Variants in EPG5 observed in about 807,000 individuals in gnomAD.
EPG5 encodes ectopic P granules protein 5 homolog.
Under a neutral mutation model 302.7 loss-of-function variants are expected in EPG5, and 159 were observed. That is an observed-to-expected ratio of 0.53 (90% confidence interval 0.46 to 0.60). The LOEUF (loss-of-function observed/expected upper bound fraction) is 0.60. Among genes scored for constraint, EPG5 ranks in the 20% least tolerant of loss-of-function variants. EPG5 has a pLI of 0.00. For synonymous variants in EPG5, 1,158 were observed against 1,136.8 expected (o/e 1.02, Z -0.37); for missense variants, 2,896 against 3,092.4 (o/e 0.94, Z 1.51).
intron 10 of EPG5, among the ~76,000 whole-genome samples, chr18:45,935,677 C>T (rs1348634979): frequency 6.6e-6 from 1 of 152,186 alleles, no homozygotes; most frequent in African/African-American, 2.4e-5. Flanking sequence ...TGAGCACACA[C>T]ACAGGTACAC....
At chr18:45,952,672 A>C in intron 2 of EPG5, 29 bp from the exon 3 acceptor site, 1 of 1,609,602 alleles carries the variant, frequency 6.2e-7, no homozygotes, top group Non-Finnish European at 8.5e-7. Context: ...GTACAATATG[A>C]AACCAGTTAC....
chr18:45,967,022 G>A (rs1459835296), intron 1 of EPG5, among the ~76,000 whole-genome samples, 155 bp downstream of exon 1: 2 of 152,166 alleles, frequency 1.3e-5, no homozygotes, highest in Non-Finnish European at 2.9e-5. Flanking sequence ...AGAAGGGCCG[G>A]TGTCAACGGG....
intron 2 of EPG5, chr18:45,953,119 G>T: frequency 4.7e-6 from 1 of 212,092 alleles, no homozygotes. Flanking sequence ...GTTGCAGTGG[G>T]CCAAGATTAC....
intron 42 of EPG5, among the ~76,000 whole-genome samples, chr18:45,856,623 C>T (rs979748445): frequency 2.0e-5 from 3 of 152,204 alleles, no homozygotes; most frequent in Non-Finnish European, 4.4e-5. Flanking sequence ...AACAAAATCT[C>T]GCAGTCCTGC....
the EPG5 span, among the ~76,000 whole-genome samples, chr18:45,830,583 C>CTTTCT: frequency 8.3e-5 from 8 of 96,702 alleles, no homozygotes; most frequent in South Asian, 7.5e-4. Context: ...ATTTTTCTTT[C>CTTTCT]TTTTTTTTTT....
At chr18:45,923,493 T>C (rs1419893615) in intron 14 of EPG5, 106 bp from the exon 15 acceptor site, 1 of 1,246,234 alleles carries the variant, frequency 8.0e-7, no homozygotes, top group Non-Finnish European at 1.1e-6. Flanking sequence ...ATCTTCGATG[T>C]AGAAGCTAAA....
chr18:45,806,996 G>A, the EPG5 span, among the ~76,000 whole-genome samples: 1 of 152,176 alleles, frequency 6.6e-6, no homozygotes, highest in Admixed American at 6.5e-5. Context: ...CTCGCCCATT[G>A]CCTGGAAACA....
intron 15 of EPG5, 89 bp from the exon 16 acceptor site, chr18:45,922,689 T>C (rs914196164): frequency 6.9e-7 from 1 of 1,445,208 alleles, no homozygotes; most frequent in African/African-American, 1.4e-5. Flanking sequence ...TGACCAACAA[T>C]GCCCTCAACG....
intron 35 of EPG5, among the ~76,000 whole-genome samples, chr18:45,871,937 A>T (rs1205435638): frequency 6.6e-6 from 1 of 152,220 alleles, no homozygotes. Flanking sequence ...ACCAACTTTA[A>T]ATGTCTCATC....
chr18:45,964,071 CA>C (rs565124204), intron 1 of EPG5, among the ~76,000 whole-genome samples: 5 of 150,676 alleles, frequency 3.3e-5, no homozygotes, highest in African/African-American at 9.8e-5. Flanking sequence ...TAAACTTTAA[CA>C]AAAAAAAATT....
chr18:45,903,284 G>C (rs1317921714), intron 25 of EPG5, among the ~76,000 whole-genome samples: 2 of 151,990 alleles, frequency 1.3e-5, no homozygotes, highest in African/African-American at 4.8e-5. Flanking sequence ...AAAAAGTGCA[G>C]GGAGAGGAAA....
chr18:45,874,713 T>C (rs2048936112), intron 35 of EPG5, among the ~76,000 whole-genome samples: 1 of 152,160 alleles, frequency 6.6e-6, no homozygotes, highest in South Asian at 2.1e-4. Flanking sequence ...ATGGGAATCA[T>C]GGTAGCTACA....
chr18:45,929,486 A>AT (rs1169475806), intron 12 of EPG5, among the ~76,000 whole-genome samples: 1 of 152,198 alleles, frequency 6.6e-6, no homozygotes. Flanking sequence ...TGCCAATGGT[A>AT]TTTTTTAACA....
intron 9 of EPG5, 87 bp downstream of exon 9, chr18:45,943,074 C>T: frequency 7.5e-7 from 1 of 1,338,868 alleles, no homozygotes; most frequent in Admixed American, 2.2e-5. Flanking sequence ...AGGTTTACAA[C>T]TAAAACGTCC....
chr18:45,870,464 C>T, intron 36 of EPG5, 103 bp downstream of exon 36: 1 of 942,960 alleles, frequency 1.1e-6, no homozygotes, highest in Non-Finnish European at 1.5e-6. Context: ...ATTCATGGTC[C>T]ACGCTAGCAC....
At chr18:45,921,504 G>A (rs1312726065) in intron 16 of EPG5, among the ~76,000 whole-genome samples, 3 of 152,274 alleles carry the variant, frequency 2.0e-5, no homozygotes, top group African/African-American at 7.2e-5. Flanking sequence ...GTGATAAAAT[G>A]GTAACACAAG....
the EPG5 span, among the ~76,000 whole-genome samples, chr18:45,814,303 T>G: frequency 6.6e-6 from 1 of 152,206 alleles, no homozygotes; most frequent in East Asian, 1.9e-4. Context: ...GCAAGACAAC[T>G]AGCTTGTACT....
chr18:45,862,669 G>A (rs538673402), intron 39 of EPG5, among the ~76,000 whole-genome samples: 8 of 152,116 alleles, frequency 5.3e-5, no homozygotes, highest in East Asian at 1.9e-4. Flanking sequence ...CTCACTCTGC[G>A]TTCTGCCGTG....
chr18:45,870,826 T>A, intron 35 of EPG5, 84 bp from the exon 36 acceptor site: 1 of 1,220,808 alleles, frequency 8.2e-7, no homozygotes, highest in Non-Finnish European at 1.1e-6. Context: ...ACTAAAAGTC[T>A]AAAATCTAAG....
Sources: gnomAD v4.1 joint callset for allele counts (sites outside exome capture counted in the v4.1 genomes callset) on GRCh38, gnomAD v4.1.1 for gene constraint, MANE v1.5 for transcripts, NCBI Gene and HGNC (gene_info 2026-07-23, HGNC 2026-07-21) for gene names.